CEP112: variants seen among roughly 807,000 people sequenced by gnomAD.
CEP112 encodes centrosomal protein 112, also known as centrosomal protein of 112 kDa.
In CEP112, 127 loss-of-function variants were observed where a neutral mutation model predicts 153.0. The ratio of observed to expected loss-of-function variants is 0.83; its 90% CI spans 0.72 to 0.96. CEP112 has a LOEUF of 0.96. CEP112 is among the 40% of genes least tolerant of loss of function. The pLI, the probability that CEP112 is intolerant of heterozygous loss-of-function variation, is 0.00. For missense variants in CEP112, 1,089 were observed against 1,101.2 expected (o/e 0.99, Z 0.16); for synonymous variants, 358 against 374.4 (o/e 0.96, Z 0.51).
chr17:65,713,286 CT>C (rs1405477844), intron 23 of CEP112, among the ~76,000 whole-genome samples: 1 of 152,180 alleles, frequency 6.6e-6, no homozygotes, highest in Admixed American at 6.5e-5. Context: ...ACGTAGCCTT[CT>C]GAAATTGCTG....
intron 3 of CEP112, among the ~76,000 whole-genome samples, chr17:66,176,399 T>C (rs230561): frequency 6.2e-4 from 95 of 152,322 alleles, no homozygotes; most frequent in African/African-American, 2.2e-3. Context: ...ACTTTCAAAC[T>C]CCATTACTGT....
At chr17:65,924,339 C>T (rs7225209) in intron 19 of CEP112, among the ~76,000 whole-genome samples, 3,708 of 152,064 alleles carry the variant, frequency 0.024, 143 homozygotes, top group African/African-American at 0.073. Flanking sequence ...ATAATCCTCC[C>T]GAAACATATG....
chr17:65,932,572 G>A (rs1441348554), intron 18 of CEP112, among the ~76,000 whole-genome samples: 1 of 152,192 alleles, frequency 6.6e-6, no homozygotes. Context: ...TCAACAGGCT[G>A]TACAGGAAGC....
At chr17:65,819,286 T>C (rs2056418547) in intron 21 of CEP112, among the ~76,000 whole-genome samples, 1 of 151,940 alleles carries the variant, frequency 6.6e-6, no homozygotes, top group Admixed American at 6.6e-5. Flanking sequence ...TAAAAGAATC[T>C]TGCATTTTAA....
At chr17:66,092,635 C>A (rs2068186802) in intron 8 of CEP112, among the ~76,000 whole-genome samples, 1 of 152,048 alleles carries the variant, frequency 6.6e-6, no homozygotes, top group African/African-American at 2.4e-5. Flanking sequence ...AAAATATTAG[C>A]CAACTGAATT....
chr17:66,038,111 A>AAAAAAAAAAAGG (rs2065816416), intron 12 of CEP112, among the ~76,000 whole-genome samples: 1 of 52,394 alleles, frequency 1.9e-5, no homozygotes, highest in African/African-American at 9.0e-5. Context: ...AAAAAAAAAA[A>AAAAAAAAAAAGG]AAAGAAAAGA....
intron 24 of CEP112, among the ~76,000 whole-genome samples, chr17:65,684,119 C>A (rs372574361): frequency 1.5e-3 from 222 of 152,274 alleles, no homozygotes; most frequent in African/African-American, 5.1e-3. Context: ...ATCCCATTTA[C>A]TCTATCAGAC....
At chr17:66,002,964 C>T (rs1009455042) in intron 17 of CEP112, among the ~76,000 whole-genome samples, 37 of 152,204 alleles carry the variant, frequency 2.4e-4, no homozygotes, top group African/African-American at 8.9e-4. Flanking sequence ...GGAACTGTCT[C>T]TGGGCCAACC....
chr17:65,769,130 T>C (rs2053184459), intron 21 of CEP112, among the ~76,000 whole-genome samples: 1 of 152,010 alleles, frequency 6.6e-6, no homozygotes, highest in Non-Finnish European at 1.5e-5. Flanking sequence ...GACATTTCTA[T>C]ACACAACAAT....
At chr17:65,649,545 C>T (rs945247546) in intron 24 of CEP112, among the ~76,000 whole-genome samples, 2 of 151,474 alleles carry the variant, frequency 1.3e-5, no homozygotes, top group East Asian at 3.9e-4. Flanking sequence ...AATGAGACCT[C>T]ATTTCTACTA....
chr17:65,767,950 A>G (rs1453863941), intron 21 of CEP112, among the ~76,000 whole-genome samples: 5 of 152,142 alleles, frequency 3.3e-5, no homozygotes, highest in African/African-American at 4.8e-5. Context: ...CTTTCAAAAA[A>G]GAATTAATAC....
intron 20 of CEP112, among the ~76,000 whole-genome samples, chr17:65,852,981 T>C (rs2058017702): frequency 1.3e-5 from 2 of 152,236 alleles, no homozygotes; most frequent in Non-Finnish European, 2.9e-5. Flanking sequence ...TTCAAAATAC[T>C]TTTTTAACTT....
rs1370502914 is a variant in CEP112 at position 65,899,250 on chromosome 17, T to G, written c.2163+2902A>C. Among the ~76,000 whole-genome samples, 23 of 152,274 alleles carry G rather than the reference T, an allele frequency of 1.5e-4. No homozygotes were observed. The South Asian group carries it at 3.5e-3, about 23-fold the overall frequency. The stretch of plus-strand genomic sequence containing the variant: ...TTTCTACCAGTCTGAATGCTTTTTC[T>G]TAAACATATGACCTTAGATAGATAC... On this transcript the variant is annotated intron_variant, in intron 20 of 26. Coordinates refer to ENST00000535342, the MANE Select transcript of CEP112 (RefSeq NM_001199165.4).
intron 21 of CEP112, among the ~76,000 whole-genome samples, chr17:65,808,968 C>T (rs907844395): frequency 1.3e-5 from 2 of 152,168 alleles, no homozygotes; most frequent in African/African-American, 4.8e-5. Context: ...CTTTTTCTCT[C>T]TCACCATGTG....
intron 23 of CEP112, 135 bp downstream of exon 23, chr17:65,742,933 C>T: frequency 1.6e-6 from 1 of 619,216 alleles, no homozygotes; most frequent in Middle Eastern, 4.4e-4. Flanking sequence ...AGGTAGAGTC[C>T]AGTGAATGGA....
In CEP112 at chr17:65,716,504, G is replaced by A. The variant is rs140495174; in HGVS notation, c.2607+26564C>T. On this transcript the variant is annotated intron_variant, in intron 23 of 26. Transcript: ENST00000535342. Reference sequence around the variant, plus strand: ...GTTCGATGGTTGAAAGAGACTGAGCGGGGAAGGTAGAGCGGGGCAGGGGAG... The same window carrying A: ...GTTCGATGGTTGAAAGAGACTGAGCAGGGAAGGTAGAGCGGGGCAGGGGAG... Among the ~76,000 whole-genome samples, 115 of 152,236 alleles carry A rather than the reference G, an allele frequency of 7.6e-4. 1 individual carries two copies. The highest frequency in any genetic ancestry group is 1.2e-3 in the South Asian group (6 of 4,822).
At chr17:65,656,632 C>A (rs2143734166) in intron 24 of CEP112, among the ~76,000 whole-genome samples, 1 of 152,262 alleles carries the variant, frequency 6.6e-6, no homozygotes, top group African/African-American at 2.4e-5. Context: ...ATTGAGTAGT[C>A]TTGACAGAGA....
At chr17:65,968,673 T>C (rs968064302) in intron 17 of CEP112, among the ~76,000 whole-genome samples, 1 of 152,204 alleles carries the variant, frequency 6.6e-6, no homozygotes, top group African/African-American at 2.4e-5. Flanking sequence ...TTTGACGTTA[T>C]TTCTATTAGA....
At chr17:66,025,951 ATATAGATATATATAGAC>A (rs1277257865) in intron 16 of CEP112, among the ~76,000 whole-genome samples, 11 of 118,568 alleles carry the variant, frequency 9.3e-5, no homozygotes, top group Non-Finnish European at 1.5e-4. Context: ...ACACACACAT[ATATAGATATATATAGAC>A]CACACACACA....
Sources: allele counts gnomAD v4.1 joint callset (sites outside exome capture counted in the v4.1 genomes callset), GRCh38; gene constraint gnomAD v4.1.1; transcripts MANE v1.5; gene names NCBI Gene and HGNC (gene_info 2026-07-23, HGNC 2026-07-21).